MCCC1: variants seen among roughly 807,000 people sequenced by gnomAD.
The protein encoded by MCCC1 is methylcrotonoyl-CoA carboxylase subunit alpha, mitochondrial.
MCCC1 carries 64 observed loss-of-function variants against 83.8 expected under a neutral mutation model. The ratio of observed to expected loss-of-function variants is 0.76; its 90% CI spans 0.62 to 0.94. MCCC1 has a LOEUF of 0.94. MCCC1 is among the 40% of genes least tolerant of loss of function. The probability of loss-of-function intolerance (pLI) is 0.00; values close to 1 mark genes in which losing one functional copy is unlikely to be tolerated. For synonymous variants in MCCC1, 322 were observed against 315.4 expected (o/e 1.02, Z -0.22); for missense variants, 807 against 904.7 (o/e 0.89, Z 1.39).
chr3:183,108,478 A>G (rs1406351810), intron 1 of MCCC1, among the ~76,000 whole-genome samples: 3 of 151,914 alleles, frequency 2.0e-5, no homozygotes, highest in Admixed American at 2.0e-4. Context: ...TTTTTTTTTG[A>G]CATTCCATAT....
At position 183,071,039 on chromosome 3, in the gene MCCC1, CATTGA is replaced by C; in HGVS notation, c.716_720del (p.Phe239Ter). 6.2e-7 allele frequency: 1 copy of C among 1,614,202 alleles called. No homozygotes were observed. The highest frequency in any genetic ancestry group is 1.3e-5 in the African/African-American group (1 of 75,076). On this transcript the variant is annotated frameshift_variant, in exon 7 of 19. Coordinates refer to ENST00000265594, the MANE Select transcript of MCCC1 (RefSeq NM_020166.5). LOFTEE classifies it high-confidence loss of function. ...AACTTCTCGATCAGCATAGCATCAT[CATTGA>C]AAGACTTCTTAGCTTCTCTCCGTGC...
chr3:183,075,557 TTG>T (rs1717005737), intron 4 of MCCC1, among the ~76,000 whole-genome samples: 1 of 26,608 alleles, frequency 3.8e-5, no homozygotes, highest in African/African-American at 7.5e-5. Flanking sequence ...TTTTTTTTTT[TTG>T]AGACAGAGTC....
chr3:183,022,349 T>C, intron 16 of MCCC1, 68 bp downstream of exon 16: 1 of 1,560,970 alleles, frequency 6.4e-7, no homozygotes, highest in Non-Finnish European at 8.8e-7. Flanking sequence ...TCTCTTTCAG[T>C]GGAATGTCTC....
chr3:183,073,049 T>C (rs1240795533), intron 4 of MCCC1, among the ~76,000 whole-genome samples: 2 of 152,246 alleles, frequency 1.3e-5, no homozygotes, highest in Non-Finnish European at 2.9e-5. Context: ...ATATCCAGTT[T>C]GTACACATTT....
chr3:183,069,473 A>G (rs1262518533), intron 7 of MCCC1, among the ~76,000 whole-genome samples: 1 of 152,150 alleles, frequency 6.6e-6, no homozygotes, highest in Non-Finnish European at 1.5e-5. Context: ...GTACCTTAGA[A>G]ATGCCCCCCC....
At chr3:183,035,598 A>G (rs1713507578) in intron 13 of MCCC1, among the ~76,000 whole-genome samples, 1 of 151,936 alleles carries the variant, frequency 6.6e-6, no homozygotes, top group African/African-American at 2.4e-5. Context: ...AACTGTTCCA[A>G]TGAGCATTTC....
chr3:183,064,489 C>T lies in MCCC1; in HGVS notation c.761+6510G>A, dbSNP rs978180922. Among the ~76,000 whole-genome samples, 2 of 152,188 alleles carry T rather than the reference C, an allele frequency of 1.3e-5. No homozygotes were observed. Among genetic ancestry groups the T allele is most frequent in the East Asian group, 1.9e-4 (1 of 5,190 alleles). On this transcript the variant is annotated intron_variant, in intron 7 of 18. Coordinates refer to ENST00000265594, the MANE Select transcript of MCCC1 (RefSeq NM_020166.5). The surrounding 1 kb of genome is among the most constrained non-coding windows in gnomAD (Gnocchi z 4.5). ...GGAAGCTCCGTAAAGGCTTCTGGGA[C>T]GGGCAGAAGCCCCGCGCCCCTGCCT...
chr3:183,095,154 G>C (rs1235121244), intron 1 of MCCC1, among the ~76,000 whole-genome samples: 1 of 151,962 alleles, frequency 6.6e-6, no homozygotes, highest in Non-Finnish European at 1.5e-5. Context: ...GTCATGGCGG[G>C]CACCTGTAGT....
At chr3:183,042,336 T>A (rs1714158342) in intron 10 of MCCC1, among the ~76,000 whole-genome samples, 1 of 152,248 alleles carries the variant, frequency 6.6e-6, no homozygotes, top group Non-Finnish European at 1.5e-5. Context: ...TGTTTGTTGT[T>A]ACTATAATTA....
chr3:183,091,775 G>GCTCA (rs1718358843), intron 3 of MCCC1, among the ~76,000 whole-genome samples: 1 of 151,806 alleles, frequency 6.6e-6, no homozygotes, highest in Non-Finnish European at 1.5e-5. Flanking sequence ...AGGCACGGTG[G>GCTCA]CTCACGCCTG....
At chr3:183,109,354 G>A (rs1030970669) in intron 1 of MCCC1, among the ~76,000 whole-genome samples, 1 of 152,106 alleles carries the variant, frequency 6.6e-6, no homozygotes, top group Admixed American at 6.6e-5. Flanking sequence ...AAATGATCCC[G>A]TCACCCTGGT....
upstream of MCCC1, among the ~76,000 whole-genome samples, chr3:183,101,053 G>A (rs908012478): frequency 2.0e-5 from 3 of 152,256 alleles, no homozygotes; most frequent in Non-Finnish European, 2.9e-5. Flanking sequence ...CAGTGGCTGC[G>A]GAGGGTGTAC....
intron 7 of MCCC1, among the ~76,000 whole-genome samples, chr3:183,061,884 T>C (rs1372150525): frequency 3.3e-5 from 5 of 152,228 alleles, no homozygotes; most frequent in Admixed American, 6.5e-5. Flanking sequence ...GCAAATTTCA[T>C]CTTGAATTGT....
At chr3:183,097,220 C>G (rs1364020368) in intron 1 of MCCC1, among the ~76,000 whole-genome samples, 3 of 151,898 alleles carry the variant, frequency 2.0e-5, no homozygotes, top group Non-Finnish European at 4.4e-5. Flanking sequence ...GCAGTCCGGC[C>G]TGGGCGACAG....
chr3:183,016,727 A>G (rs1711667914), intron 18 of MCCC1, among the ~76,000 whole-genome samples: 2 of 152,214 alleles, frequency 1.3e-5, no homozygotes, highest in Non-Finnish European at 2.9e-5. Flanking sequence ...AAGCTGAAAA[A>G]TCCTTAATTG....
chr3:183,105,867 A>G (rs1719393978), intron 1 of MCCC1, among the ~76,000 whole-genome samples: 1 of 152,132 alleles, frequency 6.6e-6, no homozygotes, highest in African/African-American at 2.4e-5. Flanking sequence ...AGGCAGGTGG[A>G]TCACGAGGTC....
intron 2 of MCCC1, among the ~76,000 whole-genome samples, chr3:183,093,701 C>T (rs372733025): frequency 2.4e-4 from 36 of 151,724 alleles, no homozygotes; most frequent in Admixed American, 9.2e-4. Context: ...AAGTGTTTTT[C>T]GATGGGGCTC....
At chr3:183,098,095 A>G (rs1447533903) in intron 1 of MCCC1, among the ~76,000 whole-genome samples, 1 of 152,026 alleles carries the variant, frequency 6.6e-6, no homozygotes, top group African/African-American at 2.4e-5. Context: ...GCCCGGCTAA[A>G]TTTTTTGTAT....
intron 7 of MCCC1, among the ~76,000 whole-genome samples, chr3:183,059,719 T>C (rs958856883): frequency 6.6e-6 from 1 of 152,198 alleles, no homozygotes; most frequent in Admixed American, 6.5e-5. Context: ...TCATTTCTGT[T>C]TGTCTAAGAA....
Sources: gnomAD v4.1 joint callset for allele counts (sites outside exome capture counted in the v4.1 genomes callset) on GRCh38, gnomAD v4.1.1 for gene constraint, Gnocchi (gnomAD v3.1) non-coding constraint, MANE v1.5 for transcripts, NCBI Gene and HGNC (gene_info 2026-07-23, HGNC 2026-07-21) for gene names.